Variants in STT3B observed in about 807,000 individuals in gnomAD.
STT3B encodes the protein STT3 oligosaccharyltransferase complex catalytic subunit B.
Under a neutral mutation model 96.8 loss-of-function variants are expected in STT3B, and 29 were observed. The ratio of observed to expected loss-of-function variants is 0.30; its 90% CI spans 0.22 to 0.41. The LOEUF (loss-of-function observed/expected upper bound fraction) is 0.41, where lower values mean the gene tolerates loss of function less well. Ranked by LOEUF, STT3B falls within the 10% of genes least tolerant of loss-of-function variation. The pLI is 1.00. For synonymous variants in STT3B, 367 were observed against 360.0 expected, an observed-to-expected ratio of 1.02 and a Z score of -0.22; for missense variants, 640 against 1,022.3, an observed-to-expected ratio of 0.63 and a Z score of 5.10.
At chr3:31,610,107 T>G (rs1313077421) in intron 5 of STT3B, among the ~76,000 whole-genome samples, 1 of 152,222 alleles carries the variant, frequency 6.6e-6, no homozygotes, top group Non-Finnish European at 1.5e-5. Flanking sequence ...GTTTTGTGTT[T>G]TTTTGTTGTT....
intron 3 of STT3B, among the ~76,000 whole-genome samples, chr3:31,586,190 C>G (rs1293222678): frequency 4.6e-5 from 7 of 152,044 alleles, no homozygotes; most frequent in African/African-American, 1.7e-4. Flanking sequence ...TTGCTTTTCC[C>G]CAATGACTGG....
At position 31,589,720 on chromosome 3, in the gene STT3B, A is replaced by T. The variant is rs189272884; in HGVS notation, c.712-7078A>T. Among the ~76,000 whole-genome samples the T allele has an allele frequency of 1.4e-4, 21 of 152,074 alleles. No homozygotes were observed. The South Asian group carries it at 2.5e-3, about 18-fold the overall frequency. Reference sequence around the variant, plus strand: ...TATTCTGTGACCTTGCTAAATTTGCATGTTAAAATTTACTTTTTAGATTCC... The same window carrying T: ...TATTCTGTGACCTTGCTAAATTTGCTTGTTAAAATTTACTTTTTAGATTCC... On this transcript the variant is annotated intron_variant, in intron 3 of 15. Coordinates refer to ENST00000295770, the MANE Select transcript of STT3B (RefSeq NM_178862.3).
In STT3B at chr3:31,636,577, T is replaced by C. The variant is rs190276180; in HGVS notation, c.*513T>C. The C allele has an allele frequency of 2.0e-5, 3 of 152,366 alleles. No individual in the cohort carries two copies. The highest frequency in any genetic ancestry group is 4.4e-5 in the Non-Finnish European group (3 of 68,036). 9.4% of individuals were successfully genotyped at this position (152,366 alleles called of 1,614,324 possible). ...TCCTTGAATTATATTTATTTTCATG[T>C]TTCTCTAATGCAAAGAATGTTTCAT... On this transcript the variant is annotated 3_prime_UTR_variant, in exon 16 of 16. Coordinates refer to ENST00000295770, the MANE Select transcript of STT3B (RefSeq NM_178862.3).
chr3:31,535,647 C>T (rs1488333788), intron 1 of STT3B, among the ~76,000 whole-genome samples: 2 of 152,118 alleles, frequency 1.3e-5, no homozygotes, highest in East Asian at 1.9e-4. Flanking sequence ...CTCTCGAACC[C>T]GGGAGGCGAA....
At chr3:31,541,327 C>A (rs776995746) in intron 1 of STT3B, among the ~76,000 whole-genome samples, 1 of 152,206 alleles carries the variant, frequency 6.6e-6, no homozygotes, top group Non-Finnish European at 1.5e-5. Context: ...CTTCCACCCC[C>A]TGACTTTATA....
At chr3:31,574,782 T>G (rs1261428964) in intron 1 of STT3B, among the ~76,000 whole-genome samples, 1 of 152,176 alleles carries the variant, frequency 6.6e-6, no homozygotes, top group Non-Finnish European at 1.5e-5. Flanking sequence ...ATTTTGTCAT[T>G]CCTTTGTAGA....
At chr3:31,622,816 A>G (rs1450654997) in intron 10 of STT3B, among the ~76,000 whole-genome samples, 2 of 152,172 alleles carry the variant, frequency 1.3e-5, no homozygotes, top group Non-Finnish European at 2.9e-5. Flanking sequence ...TGGCCAATAC[A>G]GGTAATTTAT....
chr3:31,536,518 C>CT (rs755477353), intron 1 of STT3B, among the ~76,000 whole-genome samples: 1 of 152,138 alleles, frequency 6.6e-6, no homozygotes, highest in Non-Finnish European at 1.5e-5. Context: ...TGAGCTATTT[C>CT]TTTAAATTTT....
intron 3 of STT3B, among the ~76,000 whole-genome samples, chr3:31,595,522 T>A (rs949043182): frequency 8.5e-5 from 13 of 152,180 alleles, no homozygotes; most frequent in Admixed American, 2.0e-4. Context: ...TCATTTCTGT[T>A]TTCATGCAGT....
chr3:31,613,814 G>C (rs1422165528), intron 5 of STT3B, among the ~76,000 whole-genome samples: 1 of 152,076 alleles, frequency 6.6e-6, no homozygotes, highest in Non-Finnish European at 1.5e-5. Context: ...TTGGGTTTGG[G>C]TACGTCATAG....
intron 1 of STT3B, among the ~76,000 whole-genome samples, chr3:31,538,209 G>T (rs1697148939): frequency 6.6e-6 from 1 of 152,108 alleles, no homozygotes; most frequent in Non-Finnish European, 1.5e-5. Flanking sequence ...CTTGTAGACA[G>T]ACATTGTTAC....
intron 5 of STT3B, 55 bp downstream of exon 5, chr3:31,600,514 A>G: frequency 1.3e-6 from 1 of 794,948 alleles, no homozygotes. Context: ...GTATTCATTC[A>G]TTTTATTGAA....
intron 13 of STT3B, among the ~76,000 whole-genome samples, chr3:31,626,850 C>G (rs1699548711): frequency 6.6e-6 from 1 of 152,160 alleles, no homozygotes; most frequent in South Asian, 2.1e-4. Context: ...AGTGTAAACT[C>G]TTTAGCTTGG....
At chr3:31,632,112 T>A (rs1199872222) in intron 14 of STT3B, among the ~76,000 whole-genome samples, 1 of 152,186 alleles carries the variant, frequency 6.6e-6, no homozygotes, top group East Asian at 1.9e-4. Context: ...TGCCTCAGCC[T>A]CCCAAAGTAC....
At chr3:31,568,102 T>G (rs1037478322) in intron 1 of STT3B, among the ~76,000 whole-genome samples, 7 of 152,144 alleles carry the variant, frequency 4.6e-5, no homozygotes, top group South Asian at 2.1e-4. Context: ...AGATATAACA[T>G]GTAAAATTCG....
At chr3:31,549,145 C>G (rs1575408410) in intron 1 of STT3B, among the ~76,000 whole-genome samples, 1 of 151,878 alleles carries the variant, frequency 6.6e-6, no homozygotes, top group East Asian at 1.9e-4. Context: ...GTAACTTTAC[C>G]AAAGTCGTAG....
At chr3:31,601,035 A>T (rs927632605) in intron 5 of STT3B, among the ~76,000 whole-genome samples, 1 of 152,178 alleles carries the variant, frequency 6.6e-6, no homozygotes, top group South Asian at 2.1e-4. Context: ...AACTGAAACC[A>T]GTGTCTTAGT....
intron 8 of STT3B, 73 bp downstream of exon 8, chr3:31,618,061 C>G (rs1699348018): frequency 2.9e-6 from 3 of 1,045,082 alleles, no homozygotes; most frequent in Admixed American, 3.4e-5. Flanking sequence ...TCTGTTTTGT[C>G]AGTGTTTCAC....
intron 15 of STT3B, among the ~76,000 whole-genome samples, chr3:31,635,177 G>A (rs1159945464): frequency 6.6e-6 from 1 of 152,114 alleles, no homozygotes; most frequent in East Asian, 1.9e-4. Context: ...GAGCTTTGAT[G>A]GTGCATTAAA....
Sources: gnomAD v4.1 joint callset for allele counts (sites outside exome capture counted in the v4.1 genomes callset) on GRCh38, gnomAD v4.1.1 for gene constraint, MANE v1.5 for transcripts, NCBI Gene and HGNC (gene_info 2026-07-23, HGNC 2026-07-21) for gene names.